The following PDSS2 variants were observed in gnomAD, a reference collection of about 807,000 sequenced individuals.
The protein encoded by PDSS2 is all trans-polyprenyl-diphosphate synthase PDSS2.
In PDSS2, 31 loss-of-function variants were observed where a neutral mutation model predicts 44.5. That is an observed-to-expected ratio of 0.70 (90% CI 0.52 to 0.94). The LOEUF is 0.94. Ranked by LOEUF, PDSS2 falls within the 40% of genes least tolerant of loss-of-function variation. The pLI is 0.00. For synonymous variants in PDSS2, 157 were observed against 180.3 expected, an observed-to-expected ratio of 0.87 and a Z score of 1.03; for missense variants, 452 against 482.2, an observed-to-expected ratio of 0.94 and a Z score of 0.59.
At chr6:107,421,807 A>AACAC (rs33978698) in intron 1 of PDSS2, among the ~76,000 whole-genome samples, 69,912 of 145,938 alleles carry the variant, frequency 0.48, 18,191 homozygotes, top group Middle Eastern at 0.71. Flanking sequence ...AATTTCACAG[A>AACAC]ACACACACAC....
In PDSS2 at chr6:107,384,266, G is replaced by A. The variant is rs187343834; in HGVS notation, c.297-49934C>T. Among the ~76,000 whole-genome samples the A allele has an allele frequency of 5.3e-5, 8 of 152,230 alleles. No homozygotes were observed. In the East Asian group the frequency reaches 1.5e-3, roughly 29 times the overall value. On this transcript the variant is annotated intron_variant, in intron 1 of 7. Coordinates refer to ENST00000369037, the MANE Select transcript of PDSS2 (RefSeq NM_020381.4). Reference sequence around the variant, plus strand: ...TAGGTGGTGATAATTAACAGGTACCGAGGTTTTTTTGAGGGGAGTGGTAGA... The same window carrying A: ...TAGGTGGTGATAATTAACAGGTACCAAGGTTTTTTTGAGGGGAGTGGTAGA...
chr6:107,208,718 G>A (rs759449107), intron 6 of PDSS2, among the ~76,000 whole-genome samples: 8 of 148,148 alleles, frequency 5.4e-5, no homozygotes, highest in South Asian at 2.1e-4. Flanking sequence ...GCACCACCAC[G>A]CCCAGCTAAT....
chr6:107,337,550 T>C (rs953355845), intron 1 of PDSS2, among the ~76,000 whole-genome samples: 13 of 152,210 alleles, frequency 8.5e-5, no homozygotes, highest in African/African-American at 3.1e-4. Context: ...CTACTTTTCA[T>C]AGTCATTGTA....
intron 7 of PDSS2, among the ~76,000 whole-genome samples, chr6:107,161,516 A>T (rs1554246749): frequency 6.6e-5 from 10 of 152,082 alleles, no homozygotes. Flanking sequence ...TGTACTTTTA[A>T]AAAGTGTTCA....
At chr6:107,348,850 AT>A (rs200654641) in intron 1 of PDSS2, among the ~76,000 whole-genome samples, 9 of 151,460 alleles carry the variant, frequency 5.9e-5, no homozygotes, top group Non-Finnish European at 1.0e-4. Flanking sequence ...TGCTCTTAGC[AT>A]TTTTTTTTAA....
At chr6:107,322,026 C>T (rs1285990781) in intron 2 of PDSS2, among the ~76,000 whole-genome samples, 4 of 152,168 alleles carry the variant, frequency 2.6e-5, no homozygotes, top group African/African-American at 9.7e-5. Context: ...CCTGATGGGG[C>T]CTAAACAATC....
At chr6:107,348,844 C>G (rs1015680242) in intron 1 of PDSS2, among the ~76,000 whole-genome samples, 4 of 151,944 alleles carry the variant, frequency 2.6e-5, no homozygotes, top group African/African-American at 9.7e-5. Flanking sequence ...AGGCAGTGCT[C>G]TTAGCATTTT....
chr6:107,373,331 T>C (rs9398130), intron 1 of PDSS2, among the ~76,000 whole-genome samples: 19,536 of 152,186 alleles, frequency 0.13, 1,483 homozygotes, highest in East Asian at 0.24. Flanking sequence ...AACTTCTTAG[T>C]CTACGAGGCA....
intron 1 of PDSS2, among the ~76,000 whole-genome samples, chr6:107,443,932 G>A (rs1051268481): frequency 5.3e-5 from 8 of 152,052 alleles, no homozygotes; most frequent in Non-Finnish European, 7.4e-5. Context: ...AATGATAATC[G>A]CTAATATTTG....
At chr6:107,328,464 T>C (rs1777616567) in intron 2 of PDSS2, among the ~76,000 whole-genome samples, 1 of 152,136 alleles carries the variant, frequency 6.6e-6, no homozygotes, top group Non-Finnish European at 1.5e-5. Flanking sequence ...TTAGTAGAGA[T>C]GGGGTTTCAC....
At position 107,379,136 on chromosome 6, in the gene PDSS2, A is replaced by G. The variant is rs116695617; in HGVS notation, c.297-44804T>C. Among the ~76,000 whole-genome samples the G allele has an allele frequency of 1.4e-3, 211 of 152,230 alleles. 3 individuals are homozygous for G. Among genetic ancestry groups the G allele is most frequent in the African/African-American group, 4.8e-3 (199 of 41,556 alleles). Reference sequence around the variant, plus strand: ...CATTTGGAATTCTTTGGCATGGAAGATTTGTTTCTTTTCTTCTCTTTATTA... The same window carrying G: ...CATTTGGAATTCTTTGGCATGGAAGGTTTGTTTCTTTTCTTCTCTTTATTA... On this transcript the variant is annotated intron_variant, in intron 1 of 7. Coordinates refer to ENST00000369037, the MANE Select transcript of PDSS2 (RefSeq NM_020381.4).
chr6:107,274,060 C>A lies in PDSS2; in HGVS notation c.599G>T (p.Cys200Phe). Residue 200 changes from cysteine (C) to phenylalanine (F), a missense_variant, in exon 3 of 8, where the codon TGC (cysteine) becomes TTC (phenylalanine). Coordinates refer to ENST00000369037, the MANE Select transcript of PDSS2 (RefSeq NM_020381.4). ...GTTCTGTAGCAGAGCTAGTCCATTGCAGGCATTTGCTAGAAGAAAGTCTCC... is the reference window on the plus strand; with the variant it reads ...GTTCTGTAGCAGAGCTAGTCCATTGAAGGCATTTGCTAGAAGAAAGTCTCC... ...LSGDFLLANACNGLALLQNTK... is the reference protein window; with the variant it reads ...LSGDFLLANAFNGLALLQNTK... The A allele has an allele frequency of 6.2e-7, 1 of 1,614,110 alleles. No individual in the cohort carries two copies. Among genetic ancestry groups the A allele is most frequent in the Non-Finnish European group, 8.5e-7 (1 of 1,179,974 alleles).
intron 1 of PDSS2, among the ~76,000 whole-genome samples, chr6:107,347,880 T>C (rs1371118024): frequency 6.6e-6 from 1 of 151,808 alleles, no homozygotes; most frequent in Non-Finnish European, 1.5e-5. Context: ...TAAAAAAGAG[T>C]AAAGGACAAC....
In PDSS2 at chr6:107,405,442, G is replaced by C. The variant is rs148669977; in HGVS notation, c.296+53548C>G. Among the ~76,000 whole-genome samples the C allele has an allele frequency of 1.6e-4, 24 of 151,852 alleles. No homozygotes were observed. The East Asian group carries it at 4.4e-3, about 28-fold the overall frequency. On this transcript the variant is annotated intron_variant, in intron 1 of 7. Coordinates refer to ENST00000369037, the MANE Select transcript of PDSS2 (RefSeq NM_020381.4). Reference sequence around the variant, plus strand: ...CAAAACCACAAACAGAAAAAAAAGAGAGAGAAACAAAGGATCTACAAAGCA... The same window carrying C: ...CAAAACCACAAACAGAAAAAAAAGACAGAGAAACAAAGGATCTACAAAGCA...
intron 6 of PDSS2, among the ~76,000 whole-genome samples, chr6:107,198,122 T>C (rs1772631995): frequency 6.6e-6 from 1 of 152,230 alleles, no homozygotes; most frequent in African/African-American, 2.4e-5. Context: ...CTAATCATCT[T>C]GGAAAATTCT....
intron 1 of PDSS2, among the ~76,000 whole-genome samples, chr6:107,362,712 G>A (rs4946828): frequency 0.28 from 42,030 of 151,950 alleles, 6,284 homozygotes; most frequent in South Asian, 0.56. Context: ...GTGTCTTTAA[G>A]ATATTATAAG....
intron 2 of PDSS2, among the ~76,000 whole-genome samples, chr6:107,294,890 G>A (rs1776459254): frequency 6.6e-6 from 1 of 152,030 alleles, no homozygotes; most frequent in East Asian, 1.9e-4. Flanking sequence ...AATAATTGTG[G>A]GTAGCATTTA....
At chr6:107,320,788 T>C (rs568546424) in intron 2 of PDSS2, among the ~76,000 whole-genome samples, 2 of 152,316 alleles carry the variant, frequency 1.3e-5, no homozygotes, top group East Asian at 3.9e-4. Context: ...GTGCCCACCA[T>C]AGTGCTGGGG....
intron 1 of PDSS2, among the ~76,000 whole-genome samples, chr6:107,337,638 T>C (rs1362164484): frequency 6.6e-6 from 1 of 152,202 alleles, no homozygotes; most frequent in African/African-American, 2.4e-5. Flanking sequence ...GTAAATTACA[T>C]TTTCTTTCCT....
Sources: gnomAD v4.1 joint callset for allele counts (sites outside exome capture counted in the v4.1 genomes callset) on GRCh38, gnomAD v4.1.1 for gene constraint, MANE v1.5 for transcripts, NCBI Gene and HGNC (gene_info 2026-07-23, HGNC 2026-07-21) for gene names.